Variants in SLC4A10 observed in about 807,000 individuals in gnomAD.
SLC4A10 encodes the protein solute carrier family 4 member 10, also known as sodium-driven chloride bicarbonate exchanger.
A neutral mutation model predicts 137.7 loss-of-function variants in SLC4A10; 42 were observed. The ratio of observed to expected loss-of-function variants is 0.30; its 90% CI spans 0.24 to 0.39. SLC4A10 has a LOEUF of 0.39. SLC4A10 is among the 10% of genes least tolerant of loss of function. SLC4A10 has a pLI of 1.00. For synonymous variants in SLC4A10, 474 were observed against 464.1 expected (o/e 1.02, Z -0.27); for missense variants, 925 against 1,355.0 (o/e 0.68, Z 4.98).
chr2:161,733,282 A>G (rs2046995502), intron 1 of SLC4A10, among the ~76,000 whole-genome samples: 1 of 152,144 alleles, frequency 6.6e-6, no homozygotes, highest in African/African-American at 2.4e-5. Flanking sequence ...AGGGTTCCCA[A>G]GCTGTATGCA....
At chr2:161,759,954 T>C (rs2050078183) in intron 1 of SLC4A10, among the ~76,000 whole-genome samples, 3 of 152,032 alleles carry the variant, frequency 2.0e-5, no homozygotes, top group Admixed American at 2.0e-4. Flanking sequence ...TTTTATTGTC[T>C]TGTTTCTTCT....
chr2:161,752,812 A>AG (rs1356626774), intron 1 of SLC4A10, among the ~76,000 whole-genome samples: 4 of 152,068 alleles, frequency 2.6e-5, no homozygotes, highest in Non-Finnish European at 4.4e-5. Context: ...AGAAACAGGA[A>AG]GAATATCCTG....
At chr2:161,874,959 G>T (rs1370969406) in intron 8 of SLC4A10, among the ~76,000 whole-genome samples, 6 of 152,180 alleles carry the variant, frequency 3.9e-5, no homozygotes, top group Admixed American at 2.6e-4. Context: ...GTGGTTATTA[G>T]TAGTAGTAGA....
chr2:161,870,765 T>G (rs1007891822), intron 6 of SLC4A10, among the ~76,000 whole-genome samples: 6 of 151,952 alleles, frequency 3.9e-5, no homozygotes, highest in Non-Finnish European at 7.4e-5. Context: ...ATGTAGCTTG[T>G]GTGACATTTA....
chr2:161,935,945 G>T (rs1235912138), intron 15 of SLC4A10, among the ~76,000 whole-genome samples: 2 of 152,084 alleles, frequency 1.3e-5, no homozygotes, highest in Non-Finnish European at 2.9e-5. Flanking sequence ...TCTTTATTGT[G>T]TTGGGGTACA....
intron 2 of SLC4A10, among the ~76,000 whole-genome samples, chr2:161,788,019 G>A (rs764536855): frequency 2.0e-5 from 3 of 152,112 alleles, no homozygotes; most frequent in African/African-American, 4.8e-5. Flanking sequence ...CTTCCCATGC[G>A]AAGGAGTTGT....
chr2:161,870,053 A>G (rs1288980864), intron 6 of SLC4A10, among the ~76,000 whole-genome samples: 3 of 151,344 alleles, frequency 2.0e-5, no homozygotes, highest in Admixed American at 2.0e-4. Context: ...TCCCTTCTTC[A>G]TTATCAACCT....
intron 16 of SLC4A10, among the ~76,000 whole-genome samples, chr2:161,945,002 A>G (rs1693474999): frequency 6.6e-6 from 1 of 151,040 alleles, no homozygotes; most frequent in Non-Finnish European, 1.5e-5. Context: ...ATGAATTATA[A>G]TTTATACCTT....
chr2:161,800,408 C>T (rs1341118313), intron 2 of SLC4A10, among the ~76,000 whole-genome samples: 2 of 151,964 alleles, frequency 1.3e-5, no homozygotes, highest in African/African-American at 4.8e-5. Context: ...TTATTGAGCA[C>T]CAAAAACTGT....
intron 15 of SLC4A10, among the ~76,000 whole-genome samples, chr2:161,932,064 T>G (rs929022047): frequency 2.0e-5 from 3 of 152,238 alleles, no homozygotes; most frequent in Non-Finnish European, 4.4e-5. Context: ...TTTCAGAGTA[T>G]GAAAATGTTT....
chr2:161,708,431 C>T (rs2043923080), intron 1 of SLC4A10, among the ~76,000 whole-genome samples: 1 of 151,576 alleles, frequency 6.6e-6, no homozygotes, highest in African/African-American at 2.4e-5. Flanking sequence ...CTCTCCTTGG[C>T]AAATGAAGTC....
At chr2:161,801,720 A>G (rs1166654379) in intron 2 of SLC4A10, among the ~76,000 whole-genome samples, 4 of 152,134 alleles carry the variant, frequency 2.6e-5, no homozygotes, top group Admixed American at 2.6e-4. Flanking sequence ...AGGTTTGTTC[A>G]TTAGCTGTGG....
intron 1 of SLC4A10, among the ~76,000 whole-genome samples, chr2:161,692,940 A>C (rs921431757): frequency 6.6e-6 from 1 of 151,440 alleles, no homozygotes. Context: ...AAAAAAAAAA[A>C]TTGTATTGTT....
chr2:161,906,467 G>A (rs1559506770), intron 15 of SLC4A10, among the ~76,000 whole-genome samples: 1 of 152,128 alleles, frequency 6.6e-6, no homozygotes, highest in Non-Finnish European at 1.5e-5. Context: ...AGATGTGATT[G>A]GATCTATTGC....
chr2:161,796,190 T>G (rs1057179258), intron 2 of SLC4A10, among the ~76,000 whole-genome samples: 1 of 152,238 alleles, frequency 6.6e-6, no homozygotes, highest in Admixed American at 6.5e-5. Flanking sequence ...AAATAAATTT[T>G]AGCATTCAGC....
intron 2 of SLC4A10, among the ~76,000 whole-genome samples, chr2:161,771,358 T>C (rs1475755352): frequency 6.6e-6 from 1 of 151,782 alleles, no homozygotes; most frequent in Non-Finnish European, 1.5e-5. Context: ...AATTGAGACA[T>C]GATGACAGAT....
chr2:161,831,100 C>G (rs1023014993), intron 3 of SLC4A10, among the ~76,000 whole-genome samples: 1 of 151,974 alleles, frequency 6.6e-6, no homozygotes, highest in East Asian at 1.9e-4. Flanking sequence ...GCTAATGTAC[C>G]TAGACTGTAA....
At chr2:161,962,569 T>C (rs1002363250) in intron 21 of SLC4A10, among the ~76,000 whole-genome samples, 3 of 152,196 alleles carry the variant, frequency 2.0e-5, no homozygotes, top group Admixed American at 6.5e-5. Flanking sequence ...TAATGACATG[T>C]ACATGGACAG....
At position 161,804,457 on chromosome 2, in the gene SLC4A10, A is replaced by G; in HGVS notation, c.139A>G (p.Thr47Ala). The G allele has an allele frequency of 6.2e-7, 1 of 1,611,474 alleles. No individual in the cohort carries two copies. The highest frequency in any genetic ancestry group is 1.1e-5 in the South Asian group (1 of 90,660). ...FEKEDLEGHR[T>A]LFIGVHVPLG... ...TTTGCTTCCTTATGAAGGTCATCGA[A>G]CACTATTTATTGGAGTACATGTGCC... Residue 47 changes from threonine (T) to alanine (A), a missense_variant, in exon 3 of 27, where the codon ACA becomes GCA. Physicochemically the swap from Thr to Ala is moderately conservative, Grantham distance 58. Coordinates refer to ENST00000446997, the MANE Select transcript of SLC4A10 (RefSeq NM_001178015.2).
Sources: gnomAD v4.1 joint callset for allele counts (sites outside exome capture counted in the v4.1 genomes callset) on GRCh38, gnomAD v4.1.1 for gene constraint, MANE v1.5 for transcripts, NCBI Gene and HGNC (gene_info 2026-07-23, HGNC 2026-07-21) for gene names.